EPB41L2: variants seen among roughly 807,000 people sequenced by gnomAD.
EPB41L2 encodes the protein band 4.1-like protein 2.
EPB41L2 carries 43 observed loss-of-function variants against 113.0 expected under a neutral mutation model. The ratio of observed to expected loss-of-function variants is 0.38; its 90% confidence interval spans 0.30 to 0.49. EPB41L2 has a LOEUF of 0.49. Ranked by LOEUF, EPB41L2 falls within the 20% of genes least tolerant of loss-of-function variation. EPB41L2 has a pLI of 0.95. For synonymous variants in EPB41L2, 442 were observed against 436.7 expected (o/e 1.01, Z -0.15); for missense variants, 1,147 against 1,223.4 (o/e 0.94, Z 0.93).
At chr6:130,961,513 C>T (rs1773521106) in intron 1 of EPB41L2, among the ~76,000 whole-genome samples, 2 of 152,156 alleles carry the variant, frequency 1.3e-5, no homozygotes, top group African/African-American at 4.8e-5. Context: ...GAACTGCCAA[C>T]CATATAACAT....
chr6:131,008,465 C>T (rs956778072), intron 1 of EPB41L2, among the ~76,000 whole-genome samples: 12 of 152,218 alleles, frequency 7.9e-5, no homozygotes, highest in Admixed American at 3.9e-4. Context: ...TAGGGCAGTG[C>T]GGAAGGGAAA....
At chr6:130,908,763 T>C in intron 5 of EPB41L2, 58 bp downstream of exon 5, 2 of 1,334,762 alleles carry the variant, frequency 1.5e-6, no homozygotes, top group Non-Finnish European at 2.1e-6. Flanking sequence ...TGATCATTTA[T>C]ATCACAAATA....
intron 1 of EPB41L2, among the ~76,000 whole-genome samples, chr6:130,992,980 C>T (rs978601077): frequency 6.6e-6 from 1 of 152,298 alleles, no homozygotes; most frequent in Admixed American, 6.5e-5. Context: ...GCTCAGTCTT[C>T]TTACTCACCT....
chr6:130,999,192 A>ACC (rs1435265407), intron 1 of EPB41L2, among the ~76,000 whole-genome samples: 1 of 151,818 alleles, frequency 6.6e-6, no homozygotes, highest in African/African-American at 2.4e-5. Context: ...AGTGTCCCCT[A>ACC]CCCCTCTTTC....
At chr6:130,851,244 C>A (rs1778695091) in intron 19 of EPB41L2, among the ~76,000 whole-genome samples, 1 of 152,214 alleles carries the variant, frequency 6.6e-6, no homozygotes, top group South Asian at 2.1e-4. Flanking sequence ...AGCTAGAGCT[C>A]AGTTCAGCCA....
chr6:130,921,669 T>A (rs1049457538), intron 4 of EPB41L2, among the ~76,000 whole-genome samples: 75 of 152,210 alleles, frequency 4.9e-4, no homozygotes, highest in African/African-American at 1.8e-3. Flanking sequence ...AACACTAAAC[T>A]GCTCATATGA....
chr6:131,062,749 T>A (rs1045173054), intron 1 of EPB41L2, among the ~76,000 whole-genome samples: 38 of 151,752 alleles, frequency 2.5e-4, no homozygotes, highest in African/African-American at 8.9e-4. Context: ...CCCGGACGCG[T>A]GACCTGAGCC....
chr6:130,900,283 T>A (rs531971067), intron 7 of EPB41L2, among the ~76,000 whole-genome samples: 2 of 152,328 alleles, frequency 1.3e-5, no homozygotes, highest in South Asian at 4.1e-4. Flanking sequence ...AAAACCTAAT[T>A]TTTGAAAGTT....
rs780758511 is a variant in EPB41L2, at chr6:130,954,040, CTTT to C, written c.705+1062_705+1064del. ...TCCTCTTTTGCTAGTCCTTTTCTTTCTTTTTTTTTTTTTTTTTTTTTTTTTTTT... is the reference window on the plus strand; with the variant it reads ...TCCTCTTTTGCTAGTCCTTTTCTTTCTTTTTTTTTTTTTTTTTTTTTTTTT... On this transcript the variant is annotated intron_variant, in intron 3 of 19. Transcript: ENST00000337057. 6.6e-3 allele frequency among the ~76,000 whole-genome samples: 389 copies of C among 58,720 alleles called. 4 individuals carry two copies. The highest frequency in any genetic ancestry group is 0.024 in the East Asian group (43 of 1,772). The allele number at this position is 58,720 out of a possible 152,430, so 38.5% of individuals were successfully genotyped here.
chr6:130,894,306 G>T, intron 10 of EPB41L2, 38 bp downstream of exon 10: 2 of 1,545,402 alleles, frequency 1.3e-6, no homozygotes, highest in Non-Finnish European at 1.8e-6. Context: ...AGGCATGTGC[G>T]ATCATGCCCG....
intron 1 of EPB41L2, among the ~76,000 whole-genome samples, chr6:131,045,375 G>GAATATTTAATATTTAAATATTCATTTAAT (rs1795253331): frequency 3.8e-5 from 4 of 104,248 alleles, no homozygotes; most frequent in Admixed American, 9.3e-5. Flanking sequence ...ATTTAAAAAT[G>GAATATTTAATATTTAAATATTCATTTAAT]ATGAGATGCT....
chr6:130,980,900 T>C (rs1363205783), intron 1 of EPB41L2, among the ~76,000 whole-genome samples: 2 of 152,222 alleles, frequency 1.3e-5, no homozygotes, highest in Non-Finnish European at 2.9e-5. Flanking sequence ...CAACTTCCTC[T>C]GTTCAGCTTA....
Position 131,052,519 on chromosome 6 carries a change from T to C in EPB41L2, c.-15+10636A>G, listed in dbSNP as rs1358069867. ...GGCAAGAATTTCACAGTTTCTAACATAGTTTAAAGCTGAACCAAGGATGGG... is the reference window on the plus strand; with the variant it reads ...GGCAAGAATTTCACAGTTTCTAACACAGTTTAAAGCTGAACCAAGGATGGG... On this transcript the variant is annotated intron_variant, in intron 1 of 19. Coordinates refer to ENST00000337057, the MANE Select transcript of EPB41L2 (RefSeq NM_001431.4). 2.0e-5 allele frequency among the ~76,000 whole-genome samples: 3 copies of C among 152,332 alleles called. No individual in the cohort carries two copies. In the East Asian group the frequency reaches 5.8e-4, roughly 29 times the overall value.
chr6:130,852,197 A>G (rs1242329938), intron 19 of EPB41L2, among the ~76,000 whole-genome samples: 1 of 152,192 alleles, frequency 6.6e-6, no homozygotes, highest in Non-Finnish European at 1.5e-5. Context: ...TATCATCCCC[A>G]GTTTACAGAT....
rs759717637 is a variant in EPB41L2 at position 130,867,474 on chromosome 6, T to C, written c.2715A>G (p.Thr905=). The change falls in exon 16 of 20, where the codon ACA becomes ACG. Residue 905 remains threonine, a synonymous_variant. Transcript: ENST00000337057. ...PIVQTETKTI[T]YESPQIDGGA... is the part of the protein sequence containing the mutation. ...GCTTTTGTACCTGTGGAGACTCATA[T>C]GTGATGGTTTTGGTCTCAGTTTGGA... 5.0e-6 allele frequency: 8 copies of C among 1,613,900 alleles called. No homozygotes were observed. The highest frequency in any genetic ancestry group is 4.2e-6 in the Non-Finnish European group (5 of 1,179,906).
At chr6:130,993,668 T>C (rs576191900) in intron 1 of EPB41L2, among the ~76,000 whole-genome samples, 1 of 150,316 alleles carries the variant, frequency 6.7e-6, no homozygotes, top group African/African-American at 2.4e-5. Flanking sequence ...TTCTGCTATC[T>C]TGCTGACACC....
chr6:130,915,696 G>A lies in EPB41L2; in HGVS notation c.811-6833C>T, dbSNP rs573965441. 2.0e-5 allele frequency among the ~76,000 whole-genome samples: 3 copies of A among 152,318 alleles called. No homozygotes were observed. The East Asian group carries it at 5.8e-4, about 29-fold the overall frequency. ...GTAGCTCCCATGATTCTGACTTGTT[G>A]TGGGAGGGGCCTGGTGGGAGATGAG... On this transcript the variant is annotated intron_variant, in intron 4 of 19. Coordinates refer to ENST00000337057, the MANE Select transcript of EPB41L2 (RefSeq NM_001431.4).
At chr6:131,011,496 C>G (rs945994963) in intron 1 of EPB41L2, among the ~76,000 whole-genome samples, 1 of 152,150 alleles carries the variant, frequency 6.6e-6, no homozygotes, top group African/African-American at 2.4e-5. Flanking sequence ...TTCCATGTAA[C>G]CATTGTATTT....
At chr6:130,970,428 A>G (rs1041251860) in intron 1 of EPB41L2, 2 of 152,240 alleles carry the variant, frequency 1.3e-5, no homozygotes, top group African/African-American at 4.8e-5. Flanking sequence ...GGACATGCTC[A>G]GTAGAAAAGC....
Sources: allele counts gnomAD v4.1 joint callset (sites outside exome capture counted in the v4.1 genomes callset), GRCh38; gene constraint gnomAD v4.1.1; transcripts MANE v1.5; gene names NCBI Gene and HGNC (gene_info 2026-07-23, HGNC 2026-07-21).